The following TSPAN18 variants were observed in gnomAD, a reference collection of about 807,000 sequenced individuals.
TSPAN18 encodes the protein tetraspanin-18.
A neutral mutation model predicts 27.3 loss-of-function variants in TSPAN18; 14 were observed. The observed-to-expected ratio is 0.51, with a 90% CI of 0.34 to 0.80. The LOEUF is 0.80. TSPAN18 is among the 30% of genes least tolerant of loss of function. TSPAN18 has a pLI of 0.01. For missense variants in TSPAN18, 268 were observed against 323.9 expected, an observed-to-expected ratio of 0.83 and a Z score of 1.32; for synonymous variants, 143 against 136.5, an observed-to-expected ratio of 1.05 and a Z score of -0.33.
chr11:44,910,805 G>A (rs1859680729), intron 5 of TSPAN18, among the ~76,000 whole-genome samples: 1 of 152,222 alleles, frequency 6.6e-6, no homozygotes, highest in Non-Finnish European at 1.5e-5. Context: ...CACAGGGGAG[G>A]CAGCCGAGCC....
chr11:44,815,276 C>G (rs544906461), intron 2 of TSPAN18, among the ~76,000 whole-genome samples: 2 of 152,228 alleles, frequency 1.3e-5, no homozygotes, highest in Non-Finnish European at 2.9e-5. Context: ...ATGCATTTCT[C>G]TCCTCATTTC....
chr11:44,787,767 A>G (rs987173900), intron 2 of TSPAN18, among the ~76,000 whole-genome samples: 6 of 152,232 alleles, frequency 3.9e-5, no homozygotes, highest in African/African-American at 1.4e-4. Context: ...CCTGTCCTCC[A>G]GCTGCCAGGT....
intron 2 of TSPAN18, among the ~76,000 whole-genome samples, chr11:44,792,100 A>G (rs1346682924): frequency 6.6e-6 from 1 of 152,172 alleles, no homozygotes; most frequent in Non-Finnish European, 1.5e-5. Flanking sequence ...ATTTGTTTGT[A>G]TGTTATATAA....
intron 2 of TSPAN18, among the ~76,000 whole-genome samples, chr11:44,765,561 G>A (rs1202548973): frequency 1.3e-5 from 2 of 152,184 alleles, no homozygotes; most frequent in Non-Finnish European, 2.9e-5. Flanking sequence ...CATCTGTCAT[G>A]TCATCTTGCC....
chr11:44,826,359 G>A (rs1565167057), intron 2 of TSPAN18, among the ~76,000 whole-genome samples: 1 of 152,246 alleles, frequency 6.6e-6, no homozygotes, highest in South Asian at 2.1e-4. Context: ...AGGAGGCAGA[G>A]GTTACACTGA....
intron 8 of TSPAN18, chr11:44,926,436 C>T: frequency 1.9e-6 from 1 of 539,536 alleles, no homozygotes; most frequent in Non-Finnish European, 3.3e-6. Context: ...TGCACGCTGT[C>T]AGTTCTCTGT....
chr11:44,904,266 G>C lies in TSPAN18; in HGVS notation c.-10-2141G>C, dbSNP rs112817367. ...GTCTTCCCCTCCTGACTTTGATGCTGAGTGGCCCCGCCTGTGCCTCCCCTG... is the reference window on the plus strand; with the variant it reads ...GTCTTCCCCTCCTGACTTTGATGCTCAGTGGCCCCGCCTGTGCCTCCCCTG... On this transcript the variant is annotated intron_variant, in intron 3 of 9. Coordinates refer to ENST00000520358, the MANE Select transcript of TSPAN18 (RefSeq NM_130783.5). 6.1e-3 allele frequency among the ~76,000 whole-genome samples: 926 copies of C among 152,330 alleles called. 8 individuals are homozygous for C. The highest frequency in any genetic ancestry group is 0.033 in the South Asian group (159 of 4,822).
intron 3 of TSPAN18, among the ~76,000 whole-genome samples, chr11:44,872,252 A>G (rs1858216017): frequency 6.6e-6 from 1 of 152,170 alleles, no homozygotes; most frequent in Admixed American, 6.5e-5. Context: ...TTATAAAGAT[A>G]CCAATCCTAT....
intron 3 of TSPAN18, among the ~76,000 whole-genome samples, chr11:44,898,358 C>A (rs1194840736): frequency 1.3e-5 from 2 of 152,184 alleles, no homozygotes; most frequent in African/African-American, 4.8e-5. Context: ...GCTTCCCAAC[C>A]TTTGACGATT....
chr11:44,744,991 G>T (rs1855038099), intron 1 of TSPAN18, among the ~76,000 whole-genome samples: 2 of 152,174 alleles, frequency 1.3e-5, no homozygotes, highest in Admixed American at 1.3e-4. Flanking sequence ...TTGGAGGAGG[G>T]TGGAATGCTA....
At chr11:44,827,695 C>T (rs1857072958) in intron 2 of TSPAN18, among the ~76,000 whole-genome samples, 1 of 152,218 alleles carries the variant, frequency 6.6e-6, no homozygotes, top group African/African-American at 2.4e-5. Context: ...CTCAAGAGAC[C>T]TGTTCCCACT....
chr11:44,854,567 C>A (rs907913477), intron 2 of TSPAN18, among the ~76,000 whole-genome samples: 1 of 152,340 alleles, frequency 6.6e-6, no homozygotes, highest in African/African-American at 2.4e-5. Flanking sequence ...GGGCAGATTC[C>A]TTTCCCCAGC....
At chr11:44,757,884 T>C (rs1324445772) in intron 1 of TSPAN18, among the ~76,000 whole-genome samples, 1 of 152,236 alleles carries the variant, frequency 6.6e-6, no homozygotes, top group Non-Finnish European at 1.5e-5. Context: ...GTGAGATATA[T>C]GATTTGCAAA....
intron 3 of TSPAN18, among the ~76,000 whole-genome samples, chr11:44,902,156 G>T (rs1859285124): frequency 6.6e-6 from 1 of 152,202 alleles, no homozygotes; most frequent in Non-Finnish European, 1.5e-5. Context: ...ACCTATGAAG[G>T]CAGAGTTAGG....
chr11:44,786,665 T>G (rs1234718554), intron 2 of TSPAN18, among the ~76,000 whole-genome samples: 1 of 146,738 alleles, frequency 6.8e-6, no homozygotes, highest in East Asian at 2.1e-4. Flanking sequence ...AGAGTTTCAC[T>G]CTGTTGCCCA....
At chr11:44,802,628 C>A (rs938548768) in intron 2 of TSPAN18, among the ~76,000 whole-genome samples, 1 of 151,318 alleles carries the variant, frequency 6.6e-6, no homozygotes, top group Non-Finnish European at 1.5e-5. Context: ...CACACACACA[C>A]ACACACACAG....
chr11:44,908,770 A>AGAG (rs1859567656), intron 4 of TSPAN18, among the ~76,000 whole-genome samples: 1 of 19,464 alleles, frequency 5.1e-5, no homozygotes. Context: ...GAGAGAAAGG[A>AGAG]GAAAGAAAGA....
chr11:44,817,962 G>A (rs1249003821), intron 2 of TSPAN18, among the ~76,000 whole-genome samples: 1 of 152,222 alleles, frequency 6.6e-6, no homozygotes, highest in Non-Finnish European at 1.5e-5. Flanking sequence ...TTCCTGCTTT[G>A]TAAATGGGAG....
intron 3 of TSPAN18, among the ~76,000 whole-genome samples, chr11:44,899,470 T>C (rs1859179768): frequency 6.6e-6 from 1 of 152,206 alleles, no homozygotes; most frequent in Admixed American, 6.5e-5. Context: ...TTGAACACAG[T>C]CACTCTCCCT....
Sources: gnomAD v4.1 joint callset for allele counts (sites outside exome capture counted in the v4.1 genomes callset) on GRCh38, gnomAD v4.1.1 for gene constraint, MANE v1.5 for transcripts, NCBI Gene and HGNC (gene_info 2026-07-23, HGNC 2026-07-21) for gene names.